Variants in TESC observed in about 807,000 individuals in gnomAD.
TESC encodes tescalcin, also known as calcineurin B homologous protein 3.
TESC carries 19 observed loss-of-function variants against 31.0 expected under a neutral mutation model. That is an observed-to-expected ratio of 0.61 (90% confidence interval 0.43 to 0.90). The LOEUF (loss-of-function observed/expected upper bound fraction) is 0.90, where lower values mean the gene tolerates loss of function less well. Ranked by LOEUF, TESC falls within the 40% of genes least tolerant of loss-of-function variation. The pLI, the probability that TESC is intolerant of heterozygous loss-of-function variation, is 0.00. For missense variants in TESC, 248 were observed against 303.8 expected (o/e 0.82, Z 1.36); for synonymous variants, 109 against 114.8 (o/e 0.95, Z 0.32).
intron 2 of TESC, among the ~76,000 whole-genome samples, chr12:117,067,067 C>T (rs1338185223): frequency 6.6e-6 from 1 of 152,222 alleles, no homozygotes; most frequent in Non-Finnish European, 1.5e-5. Flanking sequence ...GCGAGTCCAG[C>T]TGCCTCACGC....
At chr12:117,082,658 C>T (rs146432844) in intron 1 of TESC, among the ~76,000 whole-genome samples, 4 of 152,068 alleles carry the variant, frequency 2.6e-5, no homozygotes, top group South Asian at 2.1e-4. Context: ...TGTTGTTGCA[C>T]GGAAAATCCA....
At chr12:117,045,909 C>T in intron 6 of TESC, among the ~76,000 whole-genome samples, 1 of 152,218 alleles carries the variant, frequency 6.6e-6, no homozygotes, top group Non-Finnish European at 1.5e-5. Context: ...GGGGCTGCAC[C>T]TGTCCTTACA....
chr12:117,042,570 G>A (rs1290312958), intron 6 of TESC, among the ~76,000 whole-genome samples: 1 of 127,310 alleles, frequency 7.9e-6, no homozygotes, highest in African/African-American at 3.3e-5. Flanking sequence ...CAGGGCCACT[G>A]GGGAGGGCAG....
At chr12:117,057,032 A>C (rs1252496732) in intron 2 of TESC, 146 bp from the exon 3 acceptor site, 1 of 750,064 alleles carries the variant, frequency 1.3e-6, no homozygotes, top group African/African-American at 1.7e-5. Flanking sequence ...CAGAACTGGA[A>C]TACGCTTCAC....
rs115103092 is a variant in TESC, at chr12:117,047,077, T to C, written c.350-239A>G. Among the ~76,000 whole-genome samples the C allele has an allele frequency of 3.5e-3, 528 of 152,324 alleles. 4 individuals are homozygous for C. Among genetic ancestry groups the C allele is most frequent in the African/African-American group, 0.012 (519 of 41,576 alleles). ...ATCTGTGAAATGGGAATAACAACAG[T>C]GTCTACCTCGTGGCCTTAGGAGGGC... On this transcript the variant is annotated intron_variant, in intron 4 of 7. Coordinates refer to ENST00000335209, the MANE Select transcript of TESC (RefSeq NM_017899.4).
At chr12:117,043,743 G>T (rs1319264761) in intron 6 of TESC, among the ~76,000 whole-genome samples, 1 of 152,184 alleles carries the variant, frequency 6.6e-6, no homozygotes, top group African/African-American at 2.4e-5. Context: ...TGGGATTACA[G>T]GTGTGACCAA....
At position 117,075,985 on chromosome 12, in the gene TESC, A is replaced by ATT. The variant is rs201923877; in HGVS notation, c.59-647_59-646dup. ...TATATATGTATGTATATATATATAT[A>ATT]TTTTTTTTTTTTAGAAATACAGGGT... On this transcript the variant is annotated intron_variant, in intron 1 of 7. Coordinates refer to ENST00000335209, the MANE Select transcript of TESC (RefSeq NM_017899.4). Among the ~76,000 whole-genome samples the ATT allele has an allele frequency of 4.7e-3, 473 of 100,574 alleles. 19 individuals are homozygous for ATT. Among genetic ancestry groups the ATT allele is most frequent in the South Asian group, 0.028 (93 of 3,356 alleles). 66.0% of individuals were successfully genotyped at this position (100,574 alleles called of 152,430 possible).
chr12:117,048,052 C>T lies in TESC; in HGVS notation c.349+967G>A, dbSNP rs554497358. On this transcript the variant is annotated intron_variant, in intron 4 of 7. Coordinates refer to ENST00000335209, the MANE Select transcript of TESC (RefSeq NM_017899.4). ...CACCACTGAGCCCAGCTGGCATTTACTGAACACTGACCAGATGCCCAGGTG... is the reference window on the plus strand; with the variant it reads ...CACCACTGAGCCCAGCTGGCATTTATTGAACACTGACCAGATGCCCAGGTG... Among the ~76,000 whole-genome samples the T allele has an allele frequency of 2.1e-3, 319 of 152,314 alleles. 3 individuals carry two copies. The highest frequency in any genetic ancestry group is 7.3e-3 in the African/African-American group (304 of 41,564).
intron 6 of TESC, among the ~76,000 whole-genome samples, chr12:117,043,837 T>C (rs1026471104): frequency 1.3e-5 from 2 of 152,204 alleles, no homozygotes; most frequent in Admixed American, 1.3e-4. Flanking sequence ...GTATTACAGA[T>C]GAGGGACACA....
intron 2 of TESC, among the ~76,000 whole-genome samples, chr12:117,074,041 T>C (rs144253441): frequency 2.0e-3 from 294 of 150,350 alleles, no homozygotes; most frequent in East Asian, 8.7e-3. Flanking sequence ...CTGGGCAACA[T>C]AGTGAGACCC....
chr12:117,083,448 A>G (rs1197768202), intron 1 of TESC, among the ~76,000 whole-genome samples: 1 of 151,716 alleles, frequency 6.6e-6, no homozygotes, highest in Non-Finnish European at 1.5e-5. Context: ...CCAATGTTCA[A>G]AGCAGCACTG....
At chr12:117,076,276 A>C (rs1338682387) in intron 1 of TESC, among the ~76,000 whole-genome samples, 1 of 152,018 alleles carries the variant, frequency 6.6e-6, no homozygotes, top group Non-Finnish European at 1.5e-5. Flanking sequence ...TGATCTGGGA[A>C]ACCTACACTG....
At chr12:117,041,812 C>T in intron 7 of TESC, 135 bp downstream of exon 7, 1 of 822,230 alleles carries the variant, frequency 1.2e-6, no homozygotes, top group East Asian at 2.8e-5. Flanking sequence ...AGGTTGACCC[C>T]TTCCTACTGA....
At chr12:117,042,893 G>C (rs898618251) in intron 6 of TESC, among the ~76,000 whole-genome samples, 1 of 152,172 alleles carries the variant, frequency 6.6e-6, no homozygotes, top group Admixed American at 6.5e-5. Context: ...GGAACGCTAA[G>C]CTGTGGGAGT....
chr12:117,068,065 A>G (rs1343509338), intron 2 of TESC, among the ~76,000 whole-genome samples: 3 of 151,990 alleles, frequency 2.0e-5, no homozygotes, highest in Non-Finnish European at 2.9e-5. Context: ...CTCATTTTTA[A>G]ATTTTTTTTG....
Position 117,084,813 on chromosome 12 carries a change from G to A in TESC, c.59-9473C>T, listed in dbSNP as rs115078163. On this transcript the variant is annotated intron_variant, in intron 1 of 7. Transcript: ENST00000335209. ...GAGCCTGTAGTCCCAGGACCCAGATGAGGGGCATGCACACCACTGCCTCCT... is the reference window on the plus strand; with the variant it reads ...GAGCCTGTAGTCCCAGGACCCAGATAAGGGGCATGCACACCACTGCCTCCT... Among the ~76,000 whole-genome samples the A allele has an allele frequency of 1.4e-3, 216 of 152,334 alleles. 2 individuals carry two copies. Among genetic ancestry groups the A allele is most frequent in the African/African-American group, 5.1e-3 (210 of 41,570 alleles).
intron 1 of TESC, chr12:117,084,175 CT>C (rs1955186078): frequency 6.6e-6 from 1 of 151,848 alleles, no homozygotes; most frequent in Non-Finnish European, 1.5e-5. Flanking sequence ...GAACTGTACA[CT>C]TTTAAATGGT....
chr12:117,067,042 C>T (rs1954895929), intron 2 of TESC, among the ~76,000 whole-genome samples: 1 of 152,232 alleles, frequency 6.6e-6, no homozygotes, highest in African/African-American at 2.4e-5. Context: ...TTAACACTCT[C>T]ACCTAAGCAG....
Position 117,050,468 on chromosome 12 carries a change from AG to A in TESC, c.210-1311del, listed in dbSNP as rs1162803017. ...AGGATTGAAAGTTTTGTGGTAAGTT[AG>A]GGCAGGTTTGAGACTGGCCGTACAA... On this transcript the variant is annotated intron_variant, in intron 3 of 7. Transcript: ENST00000335209. 3.9e-5 allele frequency among the ~76,000 whole-genome samples: 6 copies of A among 152,358 alleles called. No individual in the cohort carries two copies. The East Asian group carries it at 1.2e-3, about 29-fold the overall frequency.
Sources: gnomAD v4.1 joint callset for allele counts (sites outside exome capture counted in the v4.1 genomes callset) on GRCh38, gnomAD v4.1.1 for gene constraint, MANE v1.5 for transcripts, NCBI Gene and HGNC (gene_info 2026-07-23, HGNC 2026-07-21) for gene names.